Variants in SVEP1 observed in about 807,000 individuals in gnomAD.
The protein encoded by SVEP1 is sushi, von Willebrand factor type A, EGF and pentraxin domain-containing protein 1.
A neutral mutation model predicts 367.3 loss-of-function variants in SVEP1; 164 were observed. That is an observed-to-expected ratio of 0.45 (90% CI 0.39 to 0.51). SVEP1 has a LOEUF of 0.51. Among genes scored for constraint, SVEP1 ranks in the 20% least tolerant of loss-of-function variants. The pLI is 0.00. For missense variants in SVEP1, 4,117 were observed against 4,425.3 expected, an observed-to-expected ratio of 0.93 and a Z score of 1.98; for synonymous variants, 1,666 against 1,611.6, an observed-to-expected ratio of 1.03 and a Z score of -0.81.
chr9:110,576,859 A>C (rs924757839), intron 1 of SVEP1, among the ~76,000 whole-genome samples: 3 of 152,142 alleles, frequency 2.0e-5, no homozygotes, highest in Non-Finnish European at 4.4e-5. Flanking sequence ...TATATGAACC[A>C]AATAGTGCTG....
At chr9:110,455,851 TTAAG>T in intron 21 of SVEP1, 148 bp from the exon 22 acceptor site, 1 of 505,016 alleles carries the variant, frequency 2.0e-6, no homozygotes, top group Non-Finnish European at 3.4e-6. Flanking sequence ...CTACCATCTA[TTAAG>T]TATTTAATGA....
At chr9:110,496,432 G>A (rs1342457824) in intron 8 of SVEP1, among the ~76,000 whole-genome samples, 2 of 152,168 alleles carry the variant, frequency 1.3e-5, no homozygotes, top group Non-Finnish European at 2.9e-5. Context: ...GCTGCTTCCT[G>A]CCCTTGAACA....
At chr9:110,555,364 G>C (rs1159933471) in intron 1 of SVEP1, among the ~76,000 whole-genome samples, 1 of 152,210 alleles carries the variant, frequency 6.6e-6, no homozygotes, top group Non-Finnish European at 1.5e-5. Context: ...CTGGAGCAGA[G>C]TTACTTGAAT....
In SVEP1 at chr9:110,541,529, T is replaced by C. The variant is rs185636571; in HGVS notation, c.964+4586A>G. On this transcript the variant is annotated intron_variant, in intron 3 of 47. Transcript: ENST00000374469. ...CTAGAACAGTAGAATTCATAAGATA[T>C]ACGGTTGTCACTTCATACTTGAAGT... Among the ~76,000 whole-genome samples, 341 of 152,186 alleles carry C rather than the reference T, an allele frequency of 2.2e-3. 3 individuals are homozygous for C. Among genetic ancestry groups the C allele is most frequent in the African/African-American group, 7.8e-3 (323 of 41,534 alleles).
At chr9:110,487,798 C>T (rs369829500) in intron 9 of SVEP1, among the ~76,000 whole-genome samples, 9 of 152,062 alleles carry the variant, frequency 5.9e-5, no homozygotes, top group Admixed American at 5.9e-4. Flanking sequence ...TGAGGTAATA[C>T]ATTCATTACT....
At chr9:110,516,160 TA>T (rs1283639548) in intron 3 of SVEP1, among the ~76,000 whole-genome samples, 2 of 149,366 alleles carry the variant, frequency 1.3e-5, no homozygotes, top group Non-Finnish European at 3.0e-5. Context: ...TATAATATAC[TA>T]AAACTAAATC....
At chr9:110,444,732 T>G (rs1234498679) in intron 26 of SVEP1, among the ~76,000 whole-genome samples, 1 of 151,844 alleles carries the variant, frequency 6.6e-6, no homozygotes, top group Non-Finnish European at 1.5e-5. Context: ...TCTTATCAGA[T>G]CCTGTTTACA....
At position 110,527,033 on chromosome 9, in the gene SVEP1, G is replaced by C. The variant is rs182554512; in HGVS notation, c.965-12927C>G. Among the ~76,000 whole-genome samples, 948 of 152,198 alleles carry C rather than the reference G, an allele frequency of 6.2e-3. 14 individuals are homozygous for C. Among genetic ancestry groups the C allele is most frequent in the African/African-American group, 0.02 (833 of 41,546 alleles). Reference sequence around the variant, plus strand: ...ACAATAGGTTAAAGGTGGAGGCGGTGGCTATGGGTTGGTGGGAAGTGACTG... The same window carrying C: ...ACAATAGGTTAAAGGTGGAGGCGGTCGCTATGGGTTGGTGGGAAGTGACTG... On this transcript the variant is annotated intron_variant, in intron 3 of 47. Coordinates refer to ENST00000374469, the MANE Select transcript of SVEP1 (RefSeq NM_153366.4).
chr9:110,390,336 C>CTTATATAAAAGTATATAT (rs1288152358), intron 40 of SVEP1, among the ~76,000 whole-genome samples: 1 of 23,000 alleles, frequency 4.3e-5, no homozygotes, highest in Non-Finnish European at 7.1e-5. Context: ...TATATATACA[C>CTTATATAAAAGTATATAT]ATACTTATAT....
intron 1 of SVEP1, among the ~76,000 whole-genome samples, chr9:110,573,510 C>T (rs908677649): frequency 5.3e-5 from 8 of 152,040 alleles, no homozygotes; most frequent in East Asian, 1.9e-4. Context: ...GGCGAGACAG[C>T]GCATCCCCCA....
At position 110,471,324 on chromosome 9, in the gene SVEP1, G is replaced by A. The variant is rs577029268; in HGVS notation, c.2998+40C>T. On this transcript the variant is annotated intron_variant, in intron 16 of 47. Transcript: ENST00000374469. The stretch of plus-strand genomic sequence containing the variant: ...GGCTACACCCATCTCATTTGACCCA[G>A]TATGCACCAAATATTTTTGATCACA... 6.5e-6 allele frequency: 10 copies of A among 1,545,120 alleles called. No individual in the cohort carries two copies. The African/African-American group carries it at 1.2e-4, about 19-fold the overall frequency.
intron 36 of SVEP1, among the ~76,000 whole-genome samples, chr9:110,422,976 C>T (rs1179338746): frequency 1.7e-5 from 2 of 118,730 alleles, no homozygotes; most frequent in Admixed American, 8.6e-5. Flanking sequence ...GTGGTGGGGT[C>T]GGGGGAGCGG....
chr9:110,474,742 A>T (rs1181106074), intron 14 of SVEP1, among the ~76,000 whole-genome samples: 4 of 152,212 alleles, frequency 2.6e-5, no homozygotes, highest in African/African-American at 4.8e-5. Flanking sequence ...CAAAATGTTC[A>T]CTAAAGTGCT....
At chr9:110,460,624 T>C (rs1257400772) in intron 18 of SVEP1, among the ~76,000 whole-genome samples, 3 of 152,092 alleles carry the variant, frequency 2.0e-5, no homozygotes, top group African/African-American at 7.2e-5. Context: ...TGGTGTCAGG[T>C]ACCTGTAATC....
At chr9:110,514,401 T>A (rs903789591) in intron 3 of SVEP1, among the ~76,000 whole-genome samples, 3 of 150,846 alleles carry the variant, frequency 2.0e-5, no homozygotes, top group African/African-American at 7.3e-5. Context: ...TAATCCTAGC[T>A]AATCAGGAGG....
At chr9:110,370,123 T>C (rs1198051809) in intron 46 of SVEP1, 107 bp from the exon 47 acceptor site, 3 of 974,690 alleles carry the variant, frequency 3.1e-6, no homozygotes, top group East Asian at 2.6e-5. Flanking sequence ...CAGCAGCCAC[T>C]GCTGGTCTTC....
intron 18 of SVEP1, among the ~76,000 whole-genome samples, 156 bp from the exon 19 acceptor site, chr9:110,459,269 T>C (rs1369416413): frequency 6.6e-6 from 1 of 152,224 alleles, no homozygotes; most frequent in Non-Finnish European, 1.5e-5. Context: ...CCCAGGTAAA[T>C]GTTTTGTTGG....
intron 1 of SVEP1, among the ~76,000 whole-genome samples, chr9:110,569,912 C>T (rs1373368257): frequency 6.6e-6 from 1 of 152,188 alleles, no homozygotes. Flanking sequence ...ATGAGAAAGA[C>T]ATACAGCAGA....
chr9:110,476,434 G>C, intron 13 of SVEP1, 119 bp from the exon 14 acceptor site: 2 of 717,534 alleles, frequency 2.8e-6, no homozygotes, highest in South Asian at 1.6e-5. Context: ...GGGCCCCAGA[G>C]CTCTGCACAT....
Sources: gnomAD v4.1 joint callset for allele counts (sites outside exome capture counted in the v4.1 genomes callset) on GRCh38, gnomAD v4.1.1 for gene constraint, MANE v1.5 for transcripts, NCBI Gene and HGNC (gene_info 2026-07-23, HGNC 2026-07-21) for gene names.